CNBD1: variants seen among roughly 807,000 people sequenced by gnomAD.
CNBD1 encodes the protein cyclic nucleotide binding domain containing 1.
In CNBD1, 71 loss-of-function variants were observed where a neutral mutation model predicts 54.4. The ratio of observed to expected loss-of-function variants is 1.30; its 90% confidence interval spans 1.08 to 1.59. The LOEUF (loss-of-function observed/expected upper bound fraction) is 1.59. Ranked by LOEUF, CNBD1 falls within the 40% of genes most tolerant of loss-of-function variation. The probability of loss-of-function intolerance (pLI) is 0.00; values close to 1 mark genes in which losing one functional copy is unlikely to be tolerated. For missense variants in CNBD1, 659 were observed against 518.0 expected (o/e 1.27, Z -2.64); for synonymous variants, 182 against 170.7 (o/e 1.07, Z -0.51).
At chr8:87,386,374 T>G (rs1030078116), downstream of CNBD1, among the ~76,000 whole-genome samples, 1 of 151,734 alleles carries the variant, frequency 6.6e-6, no homozygotes, top group Admixed American at 6.6e-5. Context: ...AAAAAAAAAT[T>G]AGATGAATGG....
chr8:87,276,555 A>G lies in CNBD1; in HGVS notation c.772-8123A>G, dbSNP rs141341984. ...GGAGAAACGGAAGTAGGTCTTGTTT[A>G]AAAGAAGCTCAGTTGCTTCAATCTA... On this transcript the variant is annotated intron_variant, in intron 6 of 10. Transcript: ENST00000518476. Among the ~76,000 whole-genome samples the G allele has an allele frequency of 3.3e-5, 5 of 152,016 alleles. No individual in the cohort carries two copies. In the East Asian group the frequency reaches 9.7e-4, roughly 29 times the overall value.
At chr8:87,323,643 C>T (rs1260871474) in intron 8 of CNBD1, among the ~76,000 whole-genome samples, 1 of 133,716 alleles carries the variant, frequency 7.5e-6, no homozygotes, top group Non-Finnish European at 1.7e-5. Context: ...GATTTTTGTA[C>T]ATTGATTTTG....
At chr8:86,886,781 TAA>T (rs563995559) in intron 1 of CNBD1, among the ~76,000 whole-genome samples, 105 of 152,070 alleles carry the variant, frequency 6.9e-4, no homozygotes, top group African/African-American at 2.3e-3. Flanking sequence ...GTAATATGCC[TAA>T]GTGAGTATTT....
At chr8:87,194,128 C>G (rs528685144) in intron 4 of CNBD1, among the ~76,000 whole-genome samples, 1 of 152,274 alleles carries the variant, frequency 6.6e-6, no homozygotes, top group South Asian at 2.1e-4. Context: ...TTATGAGAAT[C>G]TAATGATTAA....
At chr8:87,222,032 T>C (rs1381187496) in intron 5 of CNBD1, among the ~76,000 whole-genome samples, 1 of 152,120 alleles carries the variant, frequency 6.6e-6, no homozygotes, top group Non-Finnish European at 1.5e-5. Context: ...AAGGCCATTT[T>C]ATTGCTTTGT....
chr8:87,152,062 T>G (rs1812615334), intron 4 of CNBD1, among the ~76,000 whole-genome samples: 1 of 152,120 alleles, frequency 6.6e-6, no homozygotes, highest in South Asian at 2.1e-4. Context: ...AGACCTAGTA[T>G]GCACATTAAA....
At chr8:87,396,898 T>TA (rs1563586355) in intron 2 of CNBD1, among the ~76,000 whole-genome samples, 1 of 151,090 alleles carries the variant, frequency 6.6e-6, no homozygotes, top group African/African-American at 2.4e-5. Flanking sequence ...TTTCTTTTTT[T>TA]TTTTTTCAAG....
At chr8:87,392,349 A>T (rs955108284) in intron 2 of CNBD1, among the ~76,000 whole-genome samples, 1 of 152,012 alleles carries the variant, frequency 6.6e-6, no homozygotes, top group Non-Finnish European at 1.5e-5. Context: ...AAAATCTTGT[A>T]CATGAATTAA....
intron 4 of CNBD1, among the ~76,000 whole-genome samples, chr8:87,105,578 C>T (rs1229412477): frequency 6.6e-6 from 1 of 152,048 alleles, no homozygotes; most frequent in Non-Finnish European, 1.5e-5. Flanking sequence ...AGGTGGTTGC[C>T]CCTCTGTCAC....
At chr8:87,111,426 C>T (rs1396551668) in intron 4 of CNBD1, among the ~76,000 whole-genome samples, 1 of 152,216 alleles carries the variant, frequency 6.6e-6, no homozygotes, top group Non-Finnish European at 1.5e-5. Context: ...TATCCACAAC[C>T]TTTAAAATAT....
At chr8:87,121,359 TTAAA>T (rs1244907971) in intron 4 of CNBD1, among the ~76,000 whole-genome samples, 3 of 151,802 alleles carry the variant, frequency 2.0e-5, no homozygotes, top group Non-Finnish European at 3.0e-5. Flanking sequence ...TTTAGCACTC[TTAAA>T]TAAAAATGTA....
chr8:87,108,637 G>A (rs938640961), intron 4 of CNBD1, among the ~76,000 whole-genome samples: 4 of 152,160 alleles, frequency 2.6e-5, no homozygotes, highest in Non-Finnish European at 4.4e-5. Context: ...GGGTTTTAAG[G>A]CTTTTCACTA....
chr8:86,872,885 G>A (rs893802225), intron 1 of CNBD1, among the ~76,000 whole-genome samples: 2 of 152,056 alleles, frequency 1.3e-5, no homozygotes, highest in Non-Finnish European at 2.9e-5. Flanking sequence ...TCTTCACTCT[G>A]TTGTTTCCTT....
intron 4 of CNBD1, among the ~76,000 whole-genome samples, chr8:86,963,821 C>T (rs959825559): frequency 6.6e-6 from 1 of 152,156 alleles, no homozygotes; most frequent in African/African-American, 2.4e-5. Context: ...CAGTCTGAAC[C>T]ACCAGAGTCA....
At chr8:87,303,770 G>C (rs1809075297) in intron 8 of CNBD1, among the ~76,000 whole-genome samples, 1 of 128,722 alleles carries the variant, frequency 7.8e-6, no homozygotes, top group African/African-American at 2.9e-5. Context: ...AATCTACAAT[G>C]AACTCAAACA....
At chr8:87,029,546 T>TA (rs1809734948) in intron 4 of CNBD1, among the ~76,000 whole-genome samples, 1 of 152,218 alleles carries the variant, frequency 6.6e-6, no homozygotes, top group Admixed American at 6.5e-5. Context: ...TAATAAAATC[T>TA]AAAATTGATA....
intron 1 of CNBD1, among the ~76,000 whole-genome samples, chr8:86,880,234 G>GACA (rs72540566): frequency 0.69 from 104,543 of 151,764 alleles, 36,531 homozygotes; most frequent in African/African-American, 0.79. Context: ...TCTGATTAAC[G>GACA]ATCCTTATTG....
chr8:87,169,433 T>C (rs1031192344), intron 4 of CNBD1, among the ~76,000 whole-genome samples: 1 of 152,108 alleles, frequency 6.6e-6, no homozygotes, highest in Admixed American at 6.6e-5. Context: ...TTGTCCACTT[T>C]TGCTTTGGTT....
At chr8:87,176,000 C>A (rs1159887558) in intron 4 of CNBD1, among the ~76,000 whole-genome samples, 1 of 152,246 alleles carries the variant, frequency 6.6e-6, no homozygotes, top group Non-Finnish European at 1.5e-5. Flanking sequence ...TGTGATAGGG[C>A]AGCACTGAGT....
Sources: allele counts gnomAD v4.1 joint callset (sites outside exome capture counted in the v4.1 genomes callset), GRCh38; gene constraint gnomAD v4.1.1; transcripts MANE v1.5; gene names NCBI Gene and HGNC (gene_info 2026-07-23, HGNC 2026-07-21).